ANO3: variants seen among roughly 807,000 people sequenced by gnomAD.
ANO3 encodes anoctamin 3.
Under a neutral mutation model 144.8 loss-of-function variants are expected in ANO3, and 99 were observed. The observed-to-expected ratio is 0.68, with a 90% CI of 0.58 to 0.81. ANO3 has a LOEUF of 0.81. Ranked by LOEUF, ANO3 falls within the 30% of genes least tolerant of loss-of-function variation. The pLI, the probability that ANO3 is intolerant of heterozygous loss-of-function variation, is 0.00. For missense variants in ANO3, 905 were observed against 1,202.2 expected (o/e 0.75, Z 3.66); for synonymous variants, 414 against 392.6 (o/e 1.05, Z -0.64).
chr11:26,636,896 C>T (rs1852977149), intron 20 of ANO3, among the ~76,000 whole-genome samples: 1 of 152,210 alleles, frequency 6.6e-6, no homozygotes, highest in Admixed American at 6.5e-5. Context: ...GCTTTATCAT[C>T]TGCAGAGTGA....
At chr11:26,240,182 A>G (rs996874176) in intron 1 of ANO3, among the ~76,000 whole-genome samples, 6 of 152,194 alleles carry the variant, frequency 3.9e-5, no homozygotes, top group African/African-American at 1.4e-4. Flanking sequence ...TTCCTTTTCA[A>G]TATTTCTGAT....
chr11:26,314,438 G>A (rs766394048), intron 1 of ANO3, among the ~76,000 whole-genome samples: 1 of 152,274 alleles, frequency 6.6e-6, no homozygotes, highest in Admixed American at 6.5e-5. Flanking sequence ...ATTAGTTGCT[G>A]TTATTCTACT....
At chr11:26,604,251 G>A (rs1239344792) in intron 17 of ANO3, among the ~76,000 whole-genome samples, 1 of 152,112 alleles carries the variant, frequency 6.6e-6, no homozygotes, top group Non-Finnish European at 1.5e-5. Flanking sequence ...TGAGGTCTCT[G>A]TACTGTTCCA....
At chr11:26,406,967 C>T (rs1857294385) in intron 1 of ANO3, among the ~76,000 whole-genome samples, 1 of 143,286 alleles carries the variant, frequency 7.0e-6, no homozygotes, top group South Asian at 2.2e-4. Flanking sequence ...TATATATACA[C>T]ACACGTATAT....
At chr11:26,539,941 AGC>A (rs564979145) in intron 10 of ANO3, among the ~76,000 whole-genome samples, 1 of 152,280 alleles carries the variant, frequency 6.6e-6, no homozygotes, top group South Asian at 2.1e-4. Flanking sequence ...ATAAAGATAG[AGC>A]CATACATTGG....
upstream of ANO3, among the ~76,000 whole-genome samples, chr11:26,327,766 T>G (rs1414881655): frequency 6.6e-6 from 1 of 152,222 alleles, no homozygotes; most frequent in African/African-American, 2.4e-5. Context: ...TTTGAACATA[T>G]GCAAACACCT....
chr11:26,512,190 T>C (rs114375196), intron 5 of ANO3, among the ~76,000 whole-genome samples: 2,056 of 152,318 alleles, frequency 0.013, 18 homozygotes, highest in Admixed American at 0.017. Context: ...CTATGAGCTA[T>C]CTTATCCTAT....
intron 21 of ANO3, among the ~76,000 whole-genome samples, chr11:26,640,040 T>C (rs1275107239): frequency 6.6e-6 from 1 of 152,098 alleles, no homozygotes; most frequent in Non-Finnish European, 1.5e-5. Context: ...GTGGTACATA[T>C]TTTATCAGAA....
At chr11:26,325,074 C>A (rs1218533204) in intron 1 of ANO3, among the ~76,000 whole-genome samples, 1 of 152,058 alleles carries the variant, frequency 6.6e-6, no homozygotes, top group African/African-American at 2.4e-5. Context: ...CATATACAAA[C>A]CCTTGTTTTT....
At chr11:26,263,491 T>G (rs1294765190) in intron 1 of ANO3, among the ~76,000 whole-genome samples, 1 of 152,196 alleles carries the variant, frequency 6.6e-6, no homozygotes, top group Non-Finnish European at 1.5e-5. Flanking sequence ...AGAAAGCTGC[T>G]CCTTCCCAGT....
intron 1 of ANO3, among the ~76,000 whole-genome samples, chr11:26,313,948 C>T (rs1395245308): frequency 6.6e-6 from 1 of 151,356 alleles, no homozygotes; most frequent in East Asian, 1.9e-4. Context: ...GTGAGCATGA[C>T]TGCCAGGGTT....
intron 7 of ANO3, among the ~76,000 whole-genome samples, chr11:26,530,205 CTTTTA>C (rs538198954): frequency 3.2e-4 from 48 of 152,276 alleles, no homozygotes; most frequent in African/African-American, 7.5e-4. Flanking sequence ...GTCAGCATTA[CTTTTA>C]TTTTATGTGT....
chr11:26,305,997 C>T (rs917596910), upstream of ANO3, among the ~76,000 whole-genome samples: 2 of 152,104 alleles, frequency 1.3e-5, no homozygotes, highest in African/African-American at 4.8e-5. Context: ...TTCTCGCTGT[C>T]GCCCAGGCTG....
intron 1 of ANO3, among the ~76,000 whole-genome samples, chr11:26,313,271 G>C (rs1342382407): frequency 6.6e-6 from 1 of 152,164 alleles, no homozygotes; most frequent in Non-Finnish European, 1.5e-5. Context: ...CAGACACTGA[G>C]CAAAGTGTGA....
intron 1 of ANO3, among the ~76,000 whole-genome samples, chr11:26,403,708 G>A (rs184324908): frequency 6.6e-6 from 1 of 151,624 alleles, no homozygotes; most frequent in African/African-American, 2.4e-5. Flanking sequence ...TCCTTATCAA[G>A]GTCTACAAGC....
intron 1 of ANO3, among the ~76,000 whole-genome samples, chr11:26,230,045 C>A (rs1852356458): frequency 6.6e-6 from 1 of 152,122 alleles, no homozygotes; most frequent in African/African-American, 2.4e-5. Context: ...GGTAGGCCAT[C>A]CTGAAATGAG....
intron 4 of ANO3, among the ~76,000 whole-genome samples, chr11:26,479,337 A>G (rs1261933144): frequency 1.3e-4 from 20 of 152,314 alleles, no homozygotes; most frequent in Admixed American, 1.3e-3. Context: ...AACAGTATGT[A>G]CAGAATTCGA....
chr11:26,302,171 A>G (rs1176708304), intron 1 of ANO3, among the ~76,000 whole-genome samples: 2 of 152,102 alleles, frequency 1.3e-5, no homozygotes, highest in Non-Finnish European at 2.9e-5. Flanking sequence ...TAGCTAATTC[A>G]TAAAAAGTGG....
intron 1 of ANO3, among the ~76,000 whole-genome samples, chr11:26,355,723 C>G (rs761046455): frequency 3.9e-5 from 6 of 152,052 alleles, no homozygotes; most frequent in Non-Finnish European, 8.8e-5. Flanking sequence ...CCACGCCTGG[C>G]TAATTTTTGT....
Sources: gnomAD v4.1 joint callset for allele counts (sites outside exome capture counted in the v4.1 genomes callset) on GRCh38, gnomAD v4.1.1 for gene constraint, MANE v1.5 for transcripts, NCBI Gene and HGNC (gene_info 2026-07-23, HGNC 2026-07-21) for gene names.